The following ANTXR1 variants were observed in gnomAD, a reference collection of about 807,000 sequenced individuals.
ANTXR1 encodes anthrax toxin receptor 1.
In ANTXR1, 19 loss-of-function variants were observed where a neutral mutation model predicts 78.1. The observed-to-expected ratio is 0.24, with a 90% CI of 0.17 to 0.36. The LOEUF is 0.36. Among genes scored for constraint, ANTXR1 ranks in the 10% least tolerant of loss-of-function variants. The pLI, the probability that ANTXR1 is intolerant of heterozygous loss-of-function variation, is 1.00. For synonymous variants in ANTXR1, 273 were observed against 260.5 expected (o/e 1.05, Z -0.46); for missense variants, 518 against 718.6 (o/e 0.72, Z 3.19).
Position 69,021,794 on chromosome 2 carries a change from G to A in ANTXR1, c.152+8143G>A, listed in dbSNP as rs576158480. On this transcript the variant is annotated intron_variant, in intron 1 of 17. Coordinates refer to ENST00000303714, the MANE Select transcript of ANTXR1 (RefSeq NM_032208.3). The stretch of plus-strand genomic sequence containing the variant: ...GGCTTGAATAAGCAAGAAAGAAGTA[G>A]CCATTGAGAGAGAATAAAGAGATAA... Among the ~76,000 whole-genome samples, 4 of 152,318 alleles carry A rather than the reference G, an allele frequency of 2.6e-5. No individual in the cohort carries two copies. The South Asian group carries it at 8.3e-4, about 32-fold the overall frequency.
At chr2:69,154,135 A>T (rs1028155816) in intron 13 of ANTXR1, among the ~76,000 whole-genome samples, 1 of 152,194 alleles carries the variant, frequency 6.6e-6, no homozygotes, top group African/African-American at 2.4e-5. Flanking sequence ...TTGTTATTGG[A>T]AGCAATGTCA....
At chr2:69,149,958 G>A (rs927896842) in intron 12 of ANTXR1, among the ~76,000 whole-genome samples, 7 of 152,160 alleles carry the variant, frequency 4.6e-5, no homozygotes, top group Non-Finnish European at 7.4e-5. Context: ...CATGTCCATC[G>A]TCTGGCCCCT....
chr2:69,209,950 G>T (rs1675000647), intron 17 of ANTXR1, among the ~76,000 whole-genome samples: 1 of 152,212 alleles, frequency 6.6e-6, no homozygotes, highest in Admixed American at 6.5e-5. Flanking sequence ...ATTCTACAAA[G>T]ATGACCAGGG....
intron 8 of ANTXR1, among the ~76,000 whole-genome samples, chr2:69,081,045 G>A (rs1161755687): frequency 3.9e-5 from 6 of 152,130 alleles, no homozygotes; most frequent in Admixed American, 1.3e-4. Context: ...ATAGCATTTC[G>A]GCCTTTGAAG....
intron 1 of ANTXR1, among the ~76,000 whole-genome samples, chr2:69,017,631 T>G (rs1397727085): frequency 6.6e-6 from 1 of 152,214 alleles, no homozygotes; most frequent in Non-Finnish European, 1.5e-5. Flanking sequence ...GCATTATTAG[T>G]GGCTTTGGCG....
At chr2:69,180,484 TCTC>T (rs1271842423) in intron 14 of ANTXR1, among the ~76,000 whole-genome samples, 1 of 151,556 alleles carries the variant, frequency 6.6e-6, no homozygotes, top group Non-Finnish European at 1.5e-5. Context: ...AGTTGCTACA[TCTC>T]CTCCCTTTTT....
intron 14 of ANTXR1, chr2:69,172,348 T>C: frequency 6.2e-7 from 1 of 1,605,822 alleles, no homozygotes; most frequent in Non-Finnish European, 8.5e-7. Flanking sequence ...CTAATCTCCT[T>C]CCTAATGTAT....
At chr2:69,221,080 C>T (rs929537636) in intron 17 of ANTXR1, among the ~76,000 whole-genome samples, 2 of 152,036 alleles carry the variant, frequency 1.3e-5, no homozygotes, top group African/African-American at 4.8e-5. Flanking sequence ...TATGGGAAGG[C>T]TTGTTTGGGG....
At chr2:69,171,952 T>C (rs372545226) in intron 14 of ANTXR1, among the ~76,000 whole-genome samples, 2 of 152,330 alleles carry the variant, frequency 1.3e-5, no homozygotes, top group South Asian at 4.1e-4. Flanking sequence ...AATGCTTGAA[T>C]CTAAAGGGTT....
At chr2:69,160,230 C>G (rs1274498065) in intron 13 of ANTXR1, among the ~76,000 whole-genome samples, 1 of 152,178 alleles carries the variant, frequency 6.6e-6, no homozygotes. Context: ...ACACACCTCA[C>G]ACACCCATTT....
intron 10 of ANTXR1, among the ~76,000 whole-genome samples, chr2:69,109,244 A>G (rs75017229): frequency 7.7e-4 from 118 of 152,346 alleles, no homozygotes; most frequent in African/African-American, 2.8e-3. Flanking sequence ...TGGTACTACC[A>G]TATCATCGTC....
intron 2 of ANTXR1, among the ~76,000 whole-genome samples, chr2:69,043,779 C>T (rs1369870062): frequency 6.6e-6 from 1 of 152,108 alleles, no homozygotes; most frequent in Non-Finnish European, 1.5e-5. Context: ...AGCAAAGAAC[C>T]TTCCTAGGCA....
At chr2:69,116,642 GT>G (rs981409366) in intron 10 of ANTXR1, among the ~76,000 whole-genome samples, 1 of 152,100 alleles carries the variant, frequency 6.6e-6, no homozygotes, top group Non-Finnish European at 1.5e-5. Context: ...AACCTCCACT[GT>G]TTTTCCCACT....
At chr2:69,059,502 G>A (rs977438797) in intron 3 of ANTXR1, among the ~76,000 whole-genome samples, 5 of 149,802 alleles carry the variant, frequency 3.3e-5, no homozygotes, top group African/African-American at 7.4e-5. Flanking sequence ...TTTTGAGACC[G>A]AGTTTTGCTC....
chr2:69,190,089 T>C (rs1326632425), intron 16 of ANTXR1, among the ~76,000 whole-genome samples: 1 of 151,710 alleles, frequency 6.6e-6, no homozygotes, highest in Non-Finnish European at 1.5e-5. Context: ...ATGTCAGGTG[T>C]AGGCAGAGGG....
Position 69,243,607 on chromosome 2 carries a change from ACT to A in ANTXR1, c.1435-1614_1435-1613del, listed in dbSNP as rs1233350541. ...TCCTGAGCCAAGTCTCTAATAGCAC[ACT>A]CTCATTTTCCTCTTGTCCTAGAGCT... On this transcript the variant is annotated intron_variant, in intron 17 of 17. Transcript: ENST00000303714. 2.6e-5 allele frequency among the ~76,000 whole-genome samples: 4 copies of A among 152,016 alleles called. No homozygotes were observed. In the East Asian group the frequency reaches 7.8e-4, roughly 29 times the overall value.
chr2:69,115,944 T>C (rs998321407), intron 10 of ANTXR1, among the ~76,000 whole-genome samples: 7 of 152,226 alleles, frequency 4.6e-5, no homozygotes, highest in African/African-American at 1.7e-4. Context: ...TTACAGTGGG[T>C]ATACTCATTC....
chr2:69,134,963 T>A, intron 12 of ANTXR1: 1 of 334,506 alleles, frequency 3.0e-6, no homozygotes, highest in South Asian at 2.4e-5. Context: ...GTATTTTTAT[T>A]ATTATGATTA....
At chr2:69,144,494 G>GGGGA (rs906751351) in intron 12 of ANTXR1, among the ~76,000 whole-genome samples, 35 of 152,296 alleles carry the variant, frequency 2.3e-4, no homozygotes, top group Admixed American at 6.5e-4. Context: ...CCAGAGAAAG[G>GGGGA]GGGAGAGAGA....
Sources: allele counts gnomAD v4.1 joint callset (sites outside exome capture counted in the v4.1 genomes callset), GRCh38; gene constraint gnomAD v4.1.1; transcripts MANE v1.5; gene names NCBI Gene and HGNC (gene_info 2026-07-23, HGNC 2026-07-21).